HEATR1: variants seen among roughly 807,000 people sequenced by gnomAD.
The protein encoded by HEATR1 is HEAT repeat containing 1.
A neutral mutation model predicts 248.2 loss-of-function variants in HEATR1; 77 were observed. The ratio of observed to expected loss-of-function variants is 0.31; its 90% CI spans 0.26 to 0.37. HEATR1 has a LOEUF of 0.37. Ranked by LOEUF, HEATR1 falls within the 10% of genes least tolerant of loss-of-function variation. The probability of loss-of-function intolerance (pLI) is 1.00; values close to 1 mark genes in which losing one functional copy is unlikely to be tolerated. For missense variants in HEATR1, 2,420 were observed against 2,504.9 expected (o/e 0.97, Z 0.72); for synonymous variants, 897 against 923.1 (o/e 0.97, Z 0.51).
chr1:236,556,774 C>T (rs1333252295), intron 37 of HEATR1, among the ~76,000 whole-genome samples: 1 of 152,148 alleles, frequency 6.6e-6, no homozygotes, highest in Non-Finnish European at 1.5e-5. Context: ...TGGCCCCTAG[C>T]GTGTTGACAG....
At chr1:236,595,416 A>C in intron 8 of HEATR1, 124 bp downstream of exon 8, 1 of 756,336 alleles carries the variant, frequency 1.3e-6, no homozygotes, top group Non-Finnish European at 2.0e-6. Context: ...GAAATAGACA[A>C]GTTACACAAG....
chr1:236,566,849 A>C lies in HEATR1; in HGVS notation c.4105T>G (p.Ser1369Ala), dbSNP rs551138097. 5 of 1,614,004 alleles carry C rather than the reference A, an allele frequency of 3.1e-6. No individual in the cohort carries two copies. Among genetic ancestry groups the C allele is most frequent in the Non-Finnish European group, 4.2e-6 (5 of 1,179,906 alleles). ...QSDSGDSIEV[S>A]RNVEEIVVKI... ...ACCACAATCTCTTCAACGTTTCTTG[A>C]AACTTCTATAGAATCTCCACTATCA... The change falls in exon 30 of 45, where the codon TCA becomes GCA. Residue 1369 changes from serine (S) to alanine (A), a missense_variant. By Grantham distance (99) the Ser-to-Ala change is moderately conservative (BLOSUM62 1). Transcript: ENST00000366582.
rs538451069 is a variant in HEATR1 at position 236,559,933 on chromosome 1, G to T, written c.4647-96C>A. On this transcript the variant is annotated intron_variant, in intron 33 of 44. Coordinates refer to ENST00000366582, the MANE Select transcript of HEATR1 (RefSeq NM_018072.6). ...TGCTAAATGTTTCAAGTAGAAAGAC[G>T]AGTTAAATAATTCTGTACTAAATTA... 7 of 1,278,414 alleles carry T rather than the reference G, an allele frequency of 5.5e-6. No individual in the cohort carries two copies. The South Asian group carries it at 9.8e-5, about 18-fold the overall frequency. 79.2% of individuals were successfully genotyped at this position (1,278,414 alleles called of 1,614,324 possible).
At chr1:236,564,169 AGTT>A (rs924783984) in intron 32 of HEATR1, among the ~76,000 whole-genome samples, 1 of 152,178 alleles carries the variant, frequency 6.6e-6, no homozygotes, top group Non-Finnish European at 1.5e-5. Context: ...TAGACACTGG[AGTT>A]GTTACCAGTT....
chr1:236,554,061 T>C lies in HEATR1; in HGVS notation c.6079-322A>G, dbSNP rs138705584. Among the ~76,000 whole-genome samples the C allele has an allele frequency of 4.2e-3, 647 of 152,302 alleles. 4 individuals are homozygous for C. Among genetic ancestry groups the C allele is most frequent in the Middle Eastern group, 0.02 (6 of 294 alleles). On this transcript the variant is annotated intron_variant, in intron 42 of 44. Transcript: ENST00000366582. Reference sequence around the variant, plus strand: ...ACATTAACCATGACAGCTTATATCATGTCTGTCTTTTGAGCAGTTTAAAAA... The same window carrying C: ...ACATTAACCATGACAGCTTATATCACGTCTGTCTTTTGAGCAGTTTAAAAA...
At position 236,572,775 on chromosome 1, in the gene HEATR1, A is replaced by C. The variant is rs1305441441; in HGVS notation, c.3513T>G (p.Ala1171=). ...TTTGCTGAACTGTGCCCAAGGGTTT[A>C]GCTTTATCTGGTGGCTCCAGTTCTA... The part of the protein sequence containing the change: ...VRIELEPPDK[A]KPLGTVQQKR... The change falls in exon 25 of 45, where the codon GCT becomes GCG. Residue 1171 remains alanine, a synonymous_variant. Transcript: ENST00000366582. 6.2e-7 allele frequency: 1 copy of C among 1,614,022 alleles called. No individual in the cohort carries two copies. The highest frequency in any genetic ancestry group is 8.5e-7 in the Non-Finnish European group (1 of 1,179,886).
At chr1:236,603,859 C>T (rs1324026199) in intron 2 of HEATR1, 95 bp downstream of exon 2, 1 of 1,314,448 alleles carries the variant, frequency 7.6e-7, no homozygotes, top group African/African-American at 1.6e-5. Flanking sequence ...AGGAAGAGGA[C>T]GGGACAGAAG....
chr1:236,551,750 G>A (rs906749775), intron 44 of HEATR1: 3 of 388,392 alleles, frequency 7.7e-6, no homozygotes, highest in Admixed American at 4.4e-5. Flanking sequence ...AGAAAAGATC[G>A]TGAAGATTAC....
At chr1:236,565,184 G>A (rs2799433) in intron 31 of HEATR1, among the ~76,000 whole-genome samples, 2 of 151,998 alleles carry the variant, frequency 1.3e-5, no homozygotes, top group African/African-American at 4.8e-5. Context: ...CGCCAAACAG[G>A]GATGACAGGG....
chr1:236,561,155 GTT>G, intron 33 of HEATR1, 68 bp downstream of exon 33: 1 of 1,113,178 alleles, frequency 9.0e-7, no homozygotes, highest in South Asian at 1.3e-5. Context: ...TTTCTGTACT[GTT>G]TTTCCAGGTT....
At chr1:236,580,221 TTTCAG>T (rs1663675867) in intron 20 of HEATR1, among the ~76,000 whole-genome samples, 1 of 152,232 alleles carries the variant, frequency 6.6e-6, no homozygotes, top group Admixed American at 6.5e-5. Context: ...AAAACTTAAC[TTTCAG>T]TTATTTCATT....
Position 236,550,020 on chromosome 1 carries a change from A to G in HEATR1, c.*882T>C, listed in dbSNP as rs971959380. 2 of 152,188 alleles carry G rather than the reference A, an allele frequency of 1.3e-5. No individual in the cohort carries two copies. The highest frequency in any genetic ancestry group is 2.9e-5 in the Non-Finnish European group (2 of 68,044). 9.4% of individuals were successfully genotyped at this position (152,188 alleles called of 1,614,324 possible). A position where few individuals can be genotyped will look rare whatever the true frequency, so the allele number is the denominator to read the frequency against. ...CGAACATTCTACGGGATGTTCTTAG[A>G]TGCCTTTAAAAAGGGGGCAGATCTA... On this transcript the variant is annotated 3_prime_UTR_variant, in exon 45 of 45. Coordinates refer to ENST00000366582, the MANE Select transcript of HEATR1 (RefSeq NM_018072.6).
intron 12 of HEATR1, 33 bp downstream of exon 12, chr1:236,590,814 A>G (rs1038162191): frequency 2.5e-6 from 3 of 1,209,844 alleles, no homozygotes; most frequent in Non-Finnish European, 3.4e-6. Flanking sequence ...CATAAGAAAA[A>G]AAAACCATAT....
chr1:236,586,057 C>T (rs1415213773), intron 15 of HEATR1, 116 bp from the exon 16 acceptor site: 13 of 1,368,588 alleles, frequency 9.5e-6, no homozygotes, highest in Non-Finnish European at 1.2e-5. Context: ...TCTATTTTTC[C>T]TTGTATCCGA....
chr1:236,554,711 A>G lies in HEATR1; in HGVS notation c.5965T>C (p.Cys1989Arg), dbSNP rs750291302. The G allele has an allele frequency of 6.2e-7, 1 of 1,613,086 alleles. No homozygotes were observed. The highest frequency in any genetic ancestry group is 1.1e-5 in the South Asian group (1 of 90,578). The part of the protein sequence containing the change: ...FDSENDPEKC[C>R]LLLQFILNCL... ...TTCAAAATAAACTGCAACAGCAAGC[A>G]GCACTTTTCAGGGTCATTTTCAGAG... The change falls in exon 42 of 45, where the codon TGC (cysteine) becomes CGC (arginine). Residue 1989 changes from cysteine (C) to arginine (R), a missense_variant. Transcript: ENST00000366582.
intron 19 of HEATR1, among the ~76,000 whole-genome samples, chr1:236,581,778 G>T (rs1266069463): frequency 6.6e-6 from 1 of 152,198 alleles, no homozygotes; most frequent in Non-Finnish European, 1.5e-5. Flanking sequence ...ACTGGGCCTG[G>T]CAACATGGAG....
chr1:236,576,694 T>A (rs961678569), intron 21 of HEATR1, 86 bp downstream of exon 21: 6 of 1,263,564 alleles, frequency 4.7e-6, no homozygotes, highest in Non-Finnish European at 6.6e-6. Flanking sequence ...TCAAAATCCC[T>A]ACACAGTGAA....
Position 236,586,406 on chromosome 1 carries a change from T to G in HEATR1, c.1762A>C (p.Ile588Leu). ...IAADILIKEEILSENDQLSNQ... is the reference protein window; with the variant it reads ...IAADILIKEELLSENDQLSNQ... Reference sequence around the variant, plus strand: ...GACAACTGATCATTTTCACTCAGTATCTCTTCTTTAATTAATATGTCAGCG... The same window carrying G: ...GACAACTGATCATTTTCACTCAGTAGCTCTTCTTTAATTAATATGTCAGCG... Residue 588 changes from isoleucine to leucine, a missense_variant, in exon 15 of 45, where the codon ATA becomes CTA. Coordinates refer to ENST00000366582, the MANE Select transcript of HEATR1 (RefSeq NM_018072.6). 1 of 1,613,252 alleles carries G rather than the reference T, an allele frequency of 6.2e-7. No individual in the cohort carries two copies. Among genetic ancestry groups the G allele is most frequent in the Non-Finnish European group, 8.5e-7 (1 of 1,179,394 alleles).
intron 3 of HEATR1, among the ~76,000 whole-genome samples, chr1:236,602,380 A>T (rs1664348726): frequency 6.6e-6 from 1 of 152,214 alleles, no homozygotes; most frequent in South Asian, 2.1e-4. Context: ...GATAATACAA[A>T]TAATCTCACC....
Sources: gnomAD v4.1 joint callset for allele counts (sites outside exome capture counted in the v4.1 genomes callset) on GRCh38, gnomAD v4.1.1 for gene constraint, MANE v1.5 for transcripts, NCBI Gene and HGNC (gene_info 2026-07-23, HGNC 2026-07-21) for gene names.